Variants in ELP4 observed in about 807,000 individuals in gnomAD.
ELP4 encodes the protein elongator acetyltransferase complex subunit 4.
ELP4 carries 51 observed loss-of-function variants against 48.9 expected under a neutral mutation model. The ratio of observed to expected loss-of-function variants is 1.04; its 90% CI spans 0.83 to 1.32. The LOEUF is 1.32. Ranked by LOEUF, ELP4 falls within the 40% of genes most tolerant of loss-of-function variation. The pLI, the probability that ELP4 is intolerant of heterozygous loss-of-function variation, is 0.00. For missense variants in ELP4, 519 were observed against 514.6 expected, an observed-to-expected ratio of 1.01 and a Z score of -0.08; for synonymous variants, 210 against 189.2, an observed-to-expected ratio of 1.11 and a Z score of -0.90.
chr11:31,537,630 GC>G (rs1411072776), intron 2 of ELP4, among the ~76,000 whole-genome samples: 1 of 152,170 alleles, frequency 6.6e-6, no homozygotes, highest in Non-Finnish European at 1.5e-5. Context: ...GGGGAGGCAG[GC>G]ACATCTCACA....
rs567606042 is a variant in ELP4, at chr11:31,714,190, C to A, written c.1143+63969C>A. Among the ~76,000 whole-genome samples the A allele has an allele frequency of 1.4e-4, 22 of 152,142 alleles. No homozygotes were observed. In the South Asian group the frequency reaches 2.9e-3, roughly 20 times the overall value. On this transcript the variant is annotated intron_variant, in intron 9 of 9. Coordinates refer to ENST00000640961, the MANE Select transcript of ELP4 (RefSeq NM_019040.5). ...GGCAATACATTTTAGTAACAGTTAG[C>A]CAAGGTAGTATTTTAGGCATGATAA... is the stretch of plus-strand genomic sequence containing the variant.
chr11:31,558,112 A>T (rs1241641174), intron 3 of ELP4, among the ~76,000 whole-genome samples: 2 of 151,854 alleles, frequency 1.3e-5, no homozygotes, highest in East Asian at 3.9e-4. Flanking sequence ...GTTGAGCCGG[A>T]AATTTGCTGT....
chr11:31,788,046 A>G lies in ELP4; in HGVS notation c.*4522A>G, dbSNP rs1173023394. On this transcript the variant is annotated 3_prime_UTR_variant, in exon 10 of 10. Coordinates refer to ENST00000640961, the MANE Select transcript of ELP4 (RefSeq NM_019040.5). ...GAGGAAGACTTATCTGTATTGACTTATATGTTGCACAGAACAAATGAAAGT... is the reference window on the plus strand; with the variant it reads ...GAGGAAGACTTATCTGTATTGACTTGTATGTTGCACAGAACAAATGAAAGT... 1 of 222,878 alleles carries G rather than the reference A, an allele frequency of 4.5e-6. No homozygotes were observed. The highest frequency in any genetic ancestry group is 9.0e-6 in the Non-Finnish European group (1 of 111,488). The allele number at this position is 222,878 out of a possible 1,614,324, so 13.8% of individuals were successfully genotyped here.
chr11:31,600,529 T>C (rs1957763656), intron 4 of ELP4: 1 of 151,864 alleles, frequency 6.6e-6, no homozygotes, highest in Non-Finnish European at 1.5e-5. Context: ...ATTTTTTCAA[T>C]AAGGCAATGT....
chr11:31,751,807 A>G (rs866240510), intron 9 of ELP4, among the ~76,000 whole-genome samples: 1 of 152,184 alleles, frequency 6.6e-6, no homozygotes, highest in East Asian at 1.9e-4. Flanking sequence ...TGCCAACCAC[A>G]TAAGCTACTA....
chr11:31,720,499 CA>C (rs370228569), intron 9 of ELP4, among the ~76,000 whole-genome samples: 31 of 140,798 alleles, frequency 2.2e-4, no homozygotes, highest in South Asian at 4.9e-4. Flanking sequence ...ATAGTAAGGC[CA>C]AAAAAAAAAT....
intron 3 of ELP4, among the ~76,000 whole-genome samples, chr11:31,576,744 G>C (rs1039070226): frequency 2.0e-5 from 3 of 152,104 alleles, no homozygotes; most frequent in South Asian, 2.1e-4. Context: ...TGAAACCAAT[G>C]AGAACAAAGA....
chr11:31,599,205 G>C (rs1405776047), intron 4 of ELP4: 2 of 152,094 alleles, frequency 1.3e-5, no homozygotes, highest in Non-Finnish European at 2.9e-5. Flanking sequence ...ACTGAGCTAA[G>C]ACACATTAAT....
intron 9 of ELP4, among the ~76,000 whole-genome samples, chr11:31,697,956 C>G (rs1396286369): frequency 1.3e-5 from 2 of 151,374 alleles, no homozygotes; most frequent in African/African-American, 4.9e-5. Flanking sequence ...TCAGAAAATG[C>G]TTTTTTTTTA....
intron 3 of ELP4, among the ~76,000 whole-genome samples, chr11:31,552,800 A>T (rs980787366): frequency 6.6e-6 from 1 of 152,138 alleles, no homozygotes; most frequent in South Asian, 2.1e-4. Flanking sequence ...CACAGTCCTT[A>T]TAAGGACTTT....
intron 9 of ELP4, among the ~76,000 whole-genome samples, chr11:31,673,706 A>C (rs780182077): frequency 1.3e-5 from 2 of 152,230 alleles, no homozygotes; most frequent in Non-Finnish European, 2.9e-5. Flanking sequence ...GTTATCTATC[A>C]TAAGCTCCAC....
At chr11:31,549,759 T>C (rs1250403168) in intron 3 of ELP4, among the ~76,000 whole-genome samples, 1 of 152,244 alleles carries the variant, frequency 6.6e-6, no homozygotes, top group Non-Finnish European at 1.5e-5. Flanking sequence ...AATTATAGAC[T>C]GGATTAAGAA....
intron 9 of ELP4, among the ~76,000 whole-genome samples, chr11:31,693,694 G>A (rs1241275065): frequency 6.6e-6 from 1 of 152,138 alleles, no homozygotes; most frequent in Non-Finnish European, 1.5e-5. Context: ...GGATGGCTGG[G>A]TCAAATAGTA....
At chr11:31,622,488 A>T (rs931474502) in intron 5 of ELP4, among the ~76,000 whole-genome samples, 1 of 151,484 alleles carries the variant, frequency 6.6e-6, no homozygotes, top group Non-Finnish European at 1.5e-5. Flanking sequence ...ATCTACCTGT[A>T]CTTGATTTCT....
intron 9 of ELP4, among the ~76,000 whole-genome samples, chr11:31,720,441 G>A (rs1946936999): frequency 6.6e-6 from 1 of 151,954 alleles, no homozygotes; most frequent in South Asian, 2.1e-4. Flanking sequence ...GAATTGTAGT[G>A]AAGTGGTAAC....
At chr11:31,722,007 T>C (rs1435168726) in intron 9 of ELP4, among the ~76,000 whole-genome samples, 1 of 152,220 alleles carries the variant, frequency 6.6e-6, no homozygotes, top group East Asian at 1.9e-4. Context: ...TACACAGCCC[T>C]GTGGCCAGCA....
chr11:31,706,474 A>C (rs1342266841), intron 9 of ELP4, among the ~76,000 whole-genome samples: 1 of 149,990 alleles, frequency 6.7e-6, no homozygotes, highest in African/African-American at 2.4e-5. Flanking sequence ...CTACCAAAAA[A>C]AAGTTTTAAT....
intron 3 of ELP4, among the ~76,000 whole-genome samples, chr11:31,544,722 C>A (rs1170197146): frequency 6.6e-6 from 1 of 152,198 alleles, no homozygotes; most frequent in East Asian, 1.9e-4. Context: ...TGACCCCTGA[C>A]CCCTGAGCAG....
At chr11:31,526,480 A>G (rs1956297735) in intron 2 of ELP4, among the ~76,000 whole-genome samples, 1 of 152,050 alleles carries the variant, frequency 6.6e-6, no homozygotes, top group Non-Finnish European at 1.5e-5. Context: ...TAAACCTTCA[A>G]ACATCTAACA....
Sources: allele counts gnomAD v4.1 joint callset (sites outside exome capture counted in the v4.1 genomes callset), GRCh38; gene constraint gnomAD v4.1.1; transcripts MANE v1.5; gene names NCBI Gene and HGNC (gene_info 2026-07-23, HGNC 2026-07-21).